The following DPP10 variants were observed in gnomAD, a reference collection of about 807,000 sequenced individuals.
DPP10 encodes the protein dipeptidyl peptidase like 10.
DPP10 carries 33 observed loss-of-function variants against 120.9 expected under a neutral mutation model. That is an observed-to-expected ratio of 0.27 (90% confidence interval 0.21 to 0.37). The LOEUF (loss-of-function observed/expected upper bound fraction) is 0.37. Ranked by LOEUF, DPP10 falls within the 10% of genes least tolerant of loss-of-function variation. The probability of loss-of-function intolerance (pLI) is 1.00; values close to 1 mark genes in which losing one functional copy is unlikely to be tolerated. For synonymous variants in DPP10, 337 were observed against 326.1 expected (o/e 1.03, Z -0.36); for missense variants, 816 against 942.8 (o/e 0.87, Z 1.76).
intron 5 of DPP10, among the ~76,000 whole-genome samples, chr2:115,553,668 C>A (rs900312179): frequency 6.6e-6 from 1 of 151,840 alleles, no homozygotes; most frequent in Non-Finnish European, 1.5e-5. Context: ...GAACAAATGG[C>A]ATATTATACT....
chr2:114,885,699 C>A (rs959726512), intron 1 of DPP10, among the ~76,000 whole-genome samples: 2 of 152,052 alleles, frequency 1.3e-5, no homozygotes, highest in African/African-American at 2.4e-5. Flanking sequence ...CACCTAAATT[C>A]TTTATTTAAA....
At chr2:114,954,107 G>T (rs1362545533) in intron 1 of DPP10, among the ~76,000 whole-genome samples, 13 of 116,812 alleles carry the variant, frequency 1.1e-4, no homozygotes, top group Non-Finnish European at 2.2e-4. Context: ...TTGATACAGA[G>T]TCTCACTCTG....
intron 3 of DPP10, among the ~76,000 whole-genome samples, chr2:115,348,137 TAGTC>T (rs1245488458): frequency 2.6e-5 from 4 of 152,118 alleles, no homozygotes; most frequent in Non-Finnish European, 5.9e-5. Flanking sequence ...TCCAATATCT[TAGTC>T]AGTTCAACGT....
chr2:115,346,168 T>C (rs2106273610), intron 3 of DPP10, among the ~76,000 whole-genome samples: 1 of 152,322 alleles, frequency 6.6e-6, no homozygotes, highest in East Asian at 1.9e-4. Context: ...CTTGGCCTAT[T>C]TACGTATTCC....
At chr2:114,870,487 G>A (rs1309679339) in intron 1 of DPP10, among the ~76,000 whole-genome samples, 5 of 151,760 alleles carry the variant, frequency 3.3e-5, no homozygotes. Flanking sequence ...ATTTTATCTG[G>A]GGAAAAAAAT....
At chr2:114,639,775 T>G (rs1695571621) in intron 1 of DPP10, among the ~76,000 whole-genome samples, 1 of 152,012 alleles carries the variant, frequency 6.6e-6, no homozygotes, top group Admixed American at 6.5e-5. Context: ...AATTTATTTT[T>G]TCTTTTATCA....
At chr2:114,447,341 C>G (rs1678003073) in intron 1 of DPP10, among the ~76,000 whole-genome samples, 1 of 152,102 alleles carries the variant, frequency 6.6e-6, no homozygotes, top group Non-Finnish European at 1.5e-5. Context: ...TGGACACTGA[C>G]AAACCTGCGT....
chr2:115,085,915 G>A (rs754261242), intron 1 of DPP10, among the ~76,000 whole-genome samples: 3 of 152,080 alleles, frequency 2.0e-5, no homozygotes, highest in African/African-American at 7.2e-5. Context: ...AAGGGGTGTC[G>A]GGAGTCATGC....
intron 5 of DPP10, among the ~76,000 whole-genome samples, chr2:115,640,329 C>T (rs1453429012): frequency 6.3e-5 from 2 of 31,594 alleles, no homozygotes; most frequent in Admixed American, 4.5e-4. Flanking sequence ...ACTTCACACT[C>T]GCTTTGTTTT....
chr2:115,026,962 AT>A (rs1160613585), intron 1 of DPP10, among the ~76,000 whole-genome samples: 2 of 152,106 alleles, frequency 1.3e-5, no homozygotes, highest in Non-Finnish European at 2.9e-5. Context: ...AGCTTGGAAT[AT>A]TTTTTAAATG....
At position 115,792,023 on chromosome 2, in the gene DPP10, T is replaced by A. The variant is rs184554190; in HGVS notation, c.1700+667T>A. ...GCTTAAAACAGTCTAAAATTATATC[T>A]TTAGATACAATAATTTCTTCAGATA... On this transcript the variant is annotated intron_variant, in intron 19 of 25. Transcript: ENST00000410059. 3.9e-3 allele frequency among the ~76,000 whole-genome samples: 601 copies of A among 152,284 alleles called. 5 individuals are homozygous for A. Among genetic ancestry groups the A allele is most frequent in the African/African-American group, 0.013 (559 of 41,560 alleles).
At chr2:114,837,962 A>T (rs578096749) in intron 1 of DPP10, among the ~76,000 whole-genome samples, 2 of 152,328 alleles carry the variant, frequency 1.3e-5, no homozygotes, top group East Asian at 3.9e-4. Flanking sequence ...AAATGCTAAA[A>T]TTTCACTGGC....
chr2:115,372,246 A>C (rs2065463645), intron 3 of DPP10, among the ~76,000 whole-genome samples: 1 of 152,198 alleles, frequency 6.6e-6, no homozygotes, highest in African/African-American at 2.4e-5. Context: ...TAATGAAGTA[A>C]GAAAAAGAGT....
intron 5 of DPP10, among the ~76,000 whole-genome samples, chr2:115,534,839 G>C (rs1401591159): frequency 2.0e-5 from 3 of 151,884 alleles, no homozygotes; most frequent in Non-Finnish European, 4.4e-5. Context: ...TTGTGGTTTT[G>C]ATTTGCATTT....
chr2:114,757,709 T>C (rs1055028567), intron 1 of DPP10, among the ~76,000 whole-genome samples: 6 of 152,130 alleles, frequency 3.9e-5, no homozygotes, highest in African/African-American at 1.2e-4. Flanking sequence ...TTGGGATTTG[T>C]TAGAAATGCA....
chr2:114,577,253 T>C (rs969172002), intron 1 of DPP10, among the ~76,000 whole-genome samples: 1 of 152,226 alleles, frequency 6.6e-6, no homozygotes, highest in African/African-American at 2.4e-5. Context: ...ATCTTATAAA[T>C]AGGGAAGTTA....
At chr2:115,343,991 C>T in intron 3 of DPP10, 79 bp downstream of exon 3, 1 of 1,226,200 alleles carries the variant, frequency 8.2e-7, no homozygotes, top group South Asian at 1.6e-5. Context: ...GATGTGTAAG[C>T]TGGGCGCAAT....
chr2:115,374,030 C>A (rs2065607190), intron 3 of DPP10, among the ~76,000 whole-genome samples: 1 of 152,014 alleles, frequency 6.6e-6, no homozygotes. Flanking sequence ...GCCTCTCTTG[C>A]AACACATGGA....
At position 115,782,249 on chromosome 2, in the gene DPP10, C is replaced by T. The variant is rs143185056; in HGVS notation, c.1484-103C>T. 1,319 of 949,872 alleles carry T rather than the reference C, an allele frequency of 1.4e-3. 10 individuals carry two copies. In the African/African-American group the frequency reaches 0.017, roughly 12 times the overall value. 58.8% of individuals were successfully genotyped at this position (949,872 alleles called of 1,614,324 possible). On this transcript the variant is annotated intron_variant, in intron 16 of 25. Transcript: ENST00000410059. ...TTTCTGTTTTGTTATGTTTTAACCACGAAGTGCTTCCATTTGGGGGGAAAA... is the reference window on the plus strand; with the variant it reads ...TTTCTGTTTTGTTATGTTTTAACCATGAAGTGCTTCCATTTGGGGGGAAAA...
Sources: allele counts gnomAD v4.1 joint callset (sites outside exome capture counted in the v4.1 genomes callset), GRCh38; gene constraint gnomAD v4.1.1; transcripts MANE v1.5; gene names NCBI Gene and HGNC (gene_info 2026-07-23, HGNC 2026-07-21).